The following CDC5L variants were observed in gnomAD, a reference collection of about 807,000 sequenced individuals.
CDC5L encodes cell division cycle 5-like protein.
In CDC5L, 18 loss-of-function variants were observed where a neutral mutation model predicts 104.1. The ratio of observed to expected loss-of-function variants is 0.17; its 90% CI spans 0.12 to 0.26. The LOEUF (loss-of-function observed/expected upper bound fraction) is 0.26, where lower values mean the gene tolerates loss of function less well. CDC5L is among the 10% of genes least tolerant of loss of function. The probability of loss-of-function intolerance (pLI) is 1.00; values close to 1 mark genes in which losing one functional copy is unlikely to be tolerated. For missense variants in CDC5L, 673 were observed against 956.9 expected (o/e 0.70, Z 3.91); for synonymous variants, 331 against 322.7 (o/e 1.03, Z -0.28).
At chr6:44,429,015 C>CTTTT (rs922435895) in intron 13 of CDC5L, among the ~76,000 whole-genome samples, 74 of 95,606 alleles carry the variant, frequency 7.7e-4, no homozygotes, top group Admixed American at 1.2e-3. Flanking sequence ...GTTTCATTAG[C>CTTTT]TTTTTTTTTT....
chr6:44,398,076 G>T (rs188749844), intron 5 of CDC5L, among the ~76,000 whole-genome samples: 2 of 152,326 alleles, frequency 1.3e-5, no homozygotes. Context: ...TGAAGTGCCA[G>T]ATCCTGGGAT....
intron 5 of CDC5L, among the ~76,000 whole-genome samples, chr6:44,397,840 C>CT (rs1491432871): frequency 1.3e-5 from 2 of 152,160 alleles, no homozygotes; most frequent in East Asian, 3.8e-4. Context: ...TCACTTTCCC[C>CT]TTTTTTCCTT....
At chr6:44,396,988 C>T (rs1254789651) in intron 5 of CDC5L, among the ~76,000 whole-genome samples, 2 of 152,194 alleles carry the variant, frequency 1.3e-5, no homozygotes, top group Non-Finnish European at 2.9e-5. Flanking sequence ...ATGTATTTGG[C>T]TGCCCACAAG....
Position 44,393,581 on chromosome 6 carries a change from T to C in CDC5L, c.439+8T>C, listed in dbSNP as rs374298443. 1 of 1,608,830 alleles carries C rather than the reference T, an allele frequency of 6.2e-7. No individual in the cohort carries two copies. Among genetic ancestry groups the C allele is most frequent in the African/African-American group, 1.3e-5 (1 of 74,502 alleles). ...CAATTGATATGGATGAGGGTAAGTG[T>C]ATGCTTTGAGGAATTTATTTCTTTG... On this transcript the variant is annotated splice_region_variant and intron_variant, in intron 4 of 15. Transcript: ENST00000371477.
chr6:44,396,879 G>C (rs1790893795), intron 5 of CDC5L, among the ~76,000 whole-genome samples: 1 of 152,186 alleles, frequency 6.6e-6, no homozygotes, highest in Non-Finnish European at 1.5e-5. Context: ...GTGAAGCCTG[G>C]AAGGGTCCTG....
intron 4 of CDC5L, among the ~76,000 whole-genome samples, chr6:44,395,046 A>G (rs1006841989): frequency 2.4e-4 from 36 of 152,246 alleles, no homozygotes; most frequent in African/African-American, 8.2e-4. Context: ...ATTCTTCCTC[A>G]TATGTGGGAG....
chr6:44,432,681 A>ATG (rs931795443), intron 14 of CDC5L, among the ~76,000 whole-genome samples: 1 of 152,212 alleles, frequency 6.6e-6, no homozygotes. Context: ...GTGGTAGAGG[A>ATG]TGTGTGTGTG....
At position 44,408,525 on chromosome 6, in the gene CDC5L, A is replaced by G. The variant is rs778564165; in HGVS notation, c.985A>G (p.Ile329Val). The change falls in exon 8 of 16, where the codon ATA (isoleucine) becomes GTA (valine). Residue 329 changes from isoleucine to valine, a missense_variant. Physicochemically the swap from Ile to Val is conservative, Grantham distance 29. Coordinates refer to ENST00000371477, the MANE Select transcript of CDC5L (RefSeq NM_001253.4). ...IARQTAEESG[I>V]TNSASSTLLS... ...ACGTCAAACTGCCGAGGAATCTGGC[A>G]TAACAAATTCTGCTTCCAGTACACT... is the stretch of plus-strand genomic sequence containing the variant. The G allele has an allele frequency of 3.7e-6, 6 of 1,613,982 alleles. No homozygotes were observed. The African/African-American group carries it at 4.0e-5, about 11-fold the overall frequency.
At chr6:44,396,170 C>G (rs1444083655) in intron 4 of CDC5L, among the ~76,000 whole-genome samples, 171 bp from the exon 5 acceptor site, 1 of 152,152 alleles carries the variant, frequency 6.6e-6, no homozygotes, top group Non-Finnish European at 1.5e-5. Context: ...GGTTTTTAAC[C>G]TAGGTTCTTT....
At chr6:44,417,111 A>G (rs1561973992) in intron 8 of CDC5L, among the ~76,000 whole-genome samples, 1 of 152,178 alleles carries the variant, frequency 6.6e-6, no homozygotes, top group African/African-American at 2.4e-5. Context: ...GCACAGAAGG[A>G]GTGGTTAGTC....
rs1231318828 is a variant in CDC5L at position 44,448,403 on chromosome 6, C to G, written c.*1692C>G. 2 of 152,160 alleles carry G rather than the reference C, an allele frequency of 1.3e-5. No individual in the cohort carries two copies. Among genetic ancestry groups the G allele is most frequent in the Non-Finnish European group, 2.9e-5 (2 of 68,038 alleles). The allele number at this position is 152,160 out of a possible 1,614,324, so 9.4% of individuals were successfully genotyped here. A position where few individuals can be genotyped will look rare whatever the true frequency, so the allele number is the denominator to read the frequency against. ...TGATCAGATTTGGTTTTAGAAACAT[C>G]ACTATCTCCTTAGTGTGTAAAATCT... On this transcript the variant is annotated 3_prime_UTR_variant, in exon 16 of 16. Transcript: ENST00000371477.
chr6:44,426,122 G>T lies in CDC5L; in HGVS notation c.1589G>T (p.Arg530Leu), dbSNP rs550214338. Residue 530 changes from arginine (R) to leucine (L), a missense_variant, in exon 12 of 16, where the codon CGT becomes CTT. Transcript: ENST00000371477. ...ARKQAIRDAERVKEMKRMHKA... is the reference protein window; with the variant it reads ...ARKQAIRDAELVKEMKRMHKA... Reference sequence around the variant, plus strand: ...TTTTAGGCCATACGAGATGCAGAGCGTGTAAAGGAAATGAAACGAATGCAT... The same window carrying T: ...TTTTAGGCCATACGAGATGCAGAGCTTGTAAAGGAAATGAAACGAATGCAT... 2.3e-5 allele frequency: 37 copies of T among 1,605,772 alleles called. No individual in the cohort carries two copies. Among genetic ancestry groups the T allele is most frequent in the African/African-American group, 2.2e-4 (16 of 73,936 alleles).
chr6:44,442,488 G>T (rs1473659677), intron 14 of CDC5L, among the ~76,000 whole-genome samples: 1 of 151,400 alleles, frequency 6.6e-6, no homozygotes, highest in Non-Finnish European at 1.5e-5. Flanking sequence ...CTTTTGCTTT[G>T]TGGTTAACTT....
intron 8 of CDC5L, among the ~76,000 whole-genome samples, chr6:44,414,390 G>A (rs1205835481): frequency 8.8e-6 from 1 of 113,184 alleles, no homozygotes; most frequent in East Asian, 2.2e-4. Context: ...GCCTGTGTGT[G>A]TGTGTGTGTG....
rs150993940 is a variant in CDC5L at position 44,410,134 on chromosome 6, T to C, written c.1092+1502T>C. 2.0e-5 allele frequency among the ~76,000 whole-genome samples: 3 copies of C among 152,330 alleles called. No homozygotes were observed. The East Asian group carries it at 5.8e-4, about 29-fold the overall frequency. Reference sequence around the variant, plus strand: ...TGTTCAAATGTACAGTGTACTGTTATTCACTATAATCACTGTAATGTATAA... The same window carrying C: ...TGTTCAAATGTACAGTGTACTGTTACTCACTATAATCACTGTAATGTATAA... On this transcript the variant is annotated intron_variant, in intron 8 of 15. Coordinates refer to ENST00000371477, the MANE Select transcript of CDC5L (RefSeq NM_001253.4).
Position 44,446,816 on chromosome 6 carries a change from T to C in CDC5L, c.*105T>C. The C allele has an allele frequency of 5.0e-6, 3 of 600,898 alleles. No individual in the cohort carries two copies. The highest frequency in any genetic ancestry group is 8.7e-6 in the Non-Finnish European group (3 of 343,130). 37.2% of individuals were successfully genotyped at this position (600,898 alleles called of 1,614,324 possible). On this transcript the variant is annotated 3_prime_UTR_variant, in exon 16 of 16. Coordinates refer to ENST00000371477, the MANE Select transcript of CDC5L (RefSeq NM_001253.4). ...CATTGACAAATTTACCCACCATCTGTGGTTTTTCAGTTGTTTATTTTAAAT... is the reference window on the plus strand; with the variant it reads ...CATTGACAAATTTACCCACCATCTGCGGTTTTTCAGTTGTTTATTTTAAAT...
intron 5 of CDC5L, among the ~76,000 whole-genome samples, chr6:44,397,681 T>C (rs959625451): frequency 4.6e-5 from 7 of 152,222 alleles, no homozygotes; most frequent in African/African-American, 1.2e-4. Context: ...TTGATTGGTA[T>C]TGGGAAGGCA....
chr6:44,420,981 C>G (rs1231440921), intron 9 of CDC5L, among the ~76,000 whole-genome samples: 3 of 152,138 alleles, frequency 2.0e-5, no homozygotes, highest in Non-Finnish European at 4.4e-5. Flanking sequence ...TCAGTTGTAC[C>G]TATGGTCTGT....
At chr6:44,415,586 T>TA (rs1472248818) in intron 8 of CDC5L, among the ~76,000 whole-genome samples, 1 of 151,566 alleles carries the variant, frequency 6.6e-6, no homozygotes, top group Non-Finnish European at 1.5e-5. Context: ...TTGTGGCAGG[T>TA]ACAGTCGCTG....
Sources: allele counts gnomAD v4.1 joint callset (sites outside exome capture counted in the v4.1 genomes callset), GRCh38; gene constraint gnomAD v4.1.1; transcripts MANE v1.5; gene names NCBI Gene and HGNC (gene_info 2026-07-23, HGNC 2026-07-21).